The following PKHD1L1 variants were observed in gnomAD, a reference collection of about 807,000 sequenced individuals.
PKHD1L1 encodes fibrocystin-L.
A neutral mutation model predicts 462.9 loss-of-function variants in PKHD1L1; 434 were observed. That is an observed-to-expected ratio of 0.94 (90% CI 0.87 to 1.02). The LOEUF is 1.02. PKHD1L1 is among the 50% of genes least tolerant of loss of function. The pLI is 0.00. For synonymous variants in PKHD1L1, 1,781 were observed against 1,750.0 expected (o/e 1.02, Z -0.44); for missense variants, 5,202 against 5,096.1 (o/e 1.02, Z -0.63).
At chr8:109,501,349 C>T (rs184610216) in intron 67 of PKHD1L1, among the ~76,000 whole-genome samples, 25 of 152,126 alleles carry the variant, frequency 1.6e-4, no homozygotes, top group Admixed American at 1.6e-3. Flanking sequence ...TTCTTTAGTC[C>T]AGGGTGATGT....
intron 37 of PKHD1L1, 134 bp downstream of exon 37, chr8:109,444,036 G>A (rs1036814085): frequency 1.9e-5 from 15 of 769,284 alleles, no homozygotes; most frequent in Middle Eastern, 3.8e-4. Context: ...CCCACTTAAA[G>A]TGTACAATTC....
At chr8:109,438,807 G>T in intron 31 of PKHD1L1, 90 bp from the exon 32 acceptor site, 4 of 1,017,278 alleles carry the variant, frequency 3.9e-6, no homozygotes, top group Non-Finnish European at 5.6e-6. Flanking sequence ...AATGAAAGAT[G>T]AGAGATGAAT....
At position 109,461,916 on chromosome 8, in the gene PKHD1L1, G is replaced by T. The variant is rs1817157611; in HGVS notation, c.7383+8G>T. Reference sequence around the variant, plus strand: ...AGAATAGAATATGTAGAGGTGAGAGGCATTATTACTAAATCACAGTGGTTT... The same window carrying T: ...AGAATAGAATATGTAGAGGTGAGAGTCATTATTACTAAATCACAGTGGTTT... On this transcript the variant is annotated splice_region_variant and intron_variant, in intron 48 of 77. Transcript: ENST00000378402. The T allele has an allele frequency of 4.4e-6, 7 of 1,591,258 alleles. No homozygotes were observed. The highest frequency in any genetic ancestry group is 1.3e-5 in the African/African-American group (1 of 74,554).
chr8:109,428,130 C>G (rs1042422508), intron 25 of PKHD1L1, among the ~76,000 whole-genome samples: 8 of 151,126 alleles, frequency 5.3e-5, no homozygotes, highest in Non-Finnish European at 1.2e-4. Context: ...TTAGGACAAC[C>G]TTTTGGGAAG....
At chr8:109,481,708 A>G in intron 56 of PKHD1L1, 146 bp downstream of exon 56, 1 of 784,718 alleles carries the variant, frequency 1.3e-6, no homozygotes, top group Non-Finnish European at 1.7e-6. Context: ...AAGTTTTTAC[A>G]GAAATTTATT....
chr8:109,366,223 G>A (rs1006641479), intron 2 of PKHD1L1, among the ~76,000 whole-genome samples: 1 of 152,190 alleles, frequency 6.6e-6, no homozygotes, highest in African/African-American at 2.4e-5. Flanking sequence ...ATAAAGCCCA[G>A]AGTGTCATTT....
At chr8:109,368,665 TTAACTAGAGAAAACAAA>T (rs1345422465) in intron 2 of PKHD1L1, among the ~76,000 whole-genome samples, 1 of 152,212 alleles carries the variant, frequency 6.6e-6, no homozygotes, top group African/African-American at 2.4e-5. Flanking sequence ...CAGTGCTTTT[TTAACTAGAGAAAACAAA>T]ACAGCCTGCA....
chr8:109,399,945 T>C, intron 12 of PKHD1L1, 131 bp from the exon 13 acceptor site: 3 of 953,036 alleles, frequency 3.1e-6, no homozygotes, highest in Non-Finnish European at 4.6e-6. Context: ...GAATGTGTAA[T>C]TGTTTTGTCT....
intron 77 of PKHD1L1, among the ~76,000 whole-genome samples, chr8:109,528,832 T>C (rs1820941616): frequency 6.6e-6 from 1 of 152,234 alleles, no homozygotes; most frequent in Admixed American, 6.5e-5. Flanking sequence ...TGATTTTAAA[T>C]CTTGAAAGTG....
rs1320525006 is a variant in PKHD1L1 at position 109,426,871 on chromosome 8, T to C, written c.2846-131T>C. On this transcript the variant is annotated intron_variant, in intron 24 of 77. Coordinates refer to ENST00000378402, the MANE Select transcript of PKHD1L1 (RefSeq NM_177531.6). ...TTTTACCATGTTGGCCAGGCTGATC[T>C]CAAACGCCTGACCTCAGGTGACCCG... 7.9e-6 allele frequency: 5 copies of C among 634,678 alleles called. No homozygotes were observed. The East Asian group carries it at 1.3e-4, about 17-fold the overall frequency. The allele number at this position is 634,678 out of a possible 1,614,324, so 39.3% of individuals were successfully genotyped here. A position where few individuals can be genotyped will look rare whatever the true frequency, so the allele number is the denominator to read the frequency against.
chr8:109,385,629 A>T lies in PKHD1L1; in HGVS notation c.568A>T (p.Arg190Ter), dbSNP rs1417176311. ...SSNGKNVRIL[R>*]VYIGGMPCEL... ...AAATGGGAAAAATGTTAGGATTTTG[A>T]GGTAATCTTTTGATGTGGAAATATA... is the stretch of plus-strand genomic sequence containing the variant. Residue 190 changes from arginine (R) to a stop codon, truncating the protein, a stop_gained and splice_region_variant, in exon 6 of 78, where the codon AGA becomes TGA. Coordinates refer to ENST00000378402, the MANE Select transcript of PKHD1L1 (RefSeq NM_177531.6). LOFTEE classifies it high-confidence loss of function. 7 of 1,556,568 alleles carry T rather than the reference A, an allele frequency of 4.5e-6. No homozygotes were observed. The highest frequency in any genetic ancestry group is 6.2e-6 in the Non-Finnish European group (7 of 1,134,194).
intron 23 of PKHD1L1, among the ~76,000 whole-genome samples, chr8:109,422,110 C>T (rs1159488162): frequency 1.3e-5 from 2 of 152,280 alleles, no homozygotes; most frequent in East Asian, 3.9e-4. Context: ...TTTTTATATC[C>T]TTTACCCATT....
chr8:109,435,145 C>G (rs1477771754), intron 28 of PKHD1L1, 45 bp from the exon 29 acceptor site: 4 of 1,600,518 alleles, frequency 2.5e-6, no homozygotes, highest in Non-Finnish European at 3.4e-6. Flanking sequence ...TCTCATAAAA[C>G]CATTTGATTT....
chr8:109,522,460 A>G, intron 74 of PKHD1L1, 123 bp downstream of exon 74: 7 of 1,174,080 alleles, frequency 6.0e-6, no homozygotes, highest in South Asian at 1.9e-5. Context: ...TTTCTTATTT[A>G]TTGTTGACTT....
rs146897796 is a variant in PKHD1L1, at chr8:109,526,972, C to G, written c.12673C>G (p.Leu4225Val). 580 of 1,613,684 alleles carry G rather than the reference C, an allele frequency of 3.6e-4. 2 individuals are homozygous for G. In the East Asian group the frequency reaches 0.012, roughly 34 times the overall value. The change falls in exon 77 of 78, where the codon CTC (leucine) becomes GTC (valine). Residue 4225 changes from leucine to valine, a missense_variant. Transcript: ENST00000378402. Reference protein sequence around the residue: ...VISCLVGRMWLLEIFMAAVST... With the variant: ...VISCLVGRMWVLEIFMAAVST... ...TAGCTGTCTGGTTGGAAGAATGTGG[C>G]TCTTGGAAATATTTATGGCTGCAGT...
chr8:109,382,237 G>A (rs1378377648), intron 3 of PKHD1L1, among the ~76,000 whole-genome samples: 1 of 152,054 alleles, frequency 6.6e-6, no homozygotes, highest in Non-Finnish European at 1.5e-5. Context: ...TGCACAGTCG[G>A]AATATGCATT....
At chr8:109,452,647 C>A in intron 42 of PKHD1L1, 71 bp from the exon 43 acceptor site, 1 of 1,055,604 alleles carries the variant, frequency 9.5e-7, no homozygotes, top group Non-Finnish European at 1.2e-6. Flanking sequence ...TAATAAAATG[C>A]TTTTTGAAAA....
chr8:109,435,293 GT>G lies in PKHD1L1; in HGVS notation c.3446del (p.Phe1149SerfsTer19). On this transcript the variant is annotated frameshift_variant, in exon 29 of 78. Transcript: ENST00000378402. LOFTEE classifies it high-confidence loss of function. ...TAGCACAGAATGTAGGGGGTGAAGA[GT>G]TCTACTTTGTTTATCAGAGTCAGAT... ...GLAQNVGGEE[F>X]YFVYQSQISH... is the part of the protein sequence containing the mutation. 1 of 1,613,830 alleles carries G rather than the reference GT, an allele frequency of 6.2e-7. No individual in the cohort carries two copies. Among genetic ancestry groups the G allele is most frequent in the South Asian group, 1.1e-5 (1 of 91,072 alleles).
At chr8:109,435,086 GA>G in intron 28 of PKHD1L1, 103 bp from the exon 29 acceptor site, 1 of 1,190,910 alleles carries the variant, frequency 8.4e-7, no homozygotes, top group Non-Finnish European at 1.2e-6. Flanking sequence ...TATACTTCGT[GA>G]GATCTAAAAA....
Sources: allele counts gnomAD v4.1 joint callset (sites outside exome capture counted in the v4.1 genomes callset), GRCh38; gene constraint gnomAD v4.1.1; transcripts MANE v1.5; gene names NCBI Gene and HGNC (gene_info 2026-07-23, HGNC 2026-07-21).